Variants in BRINP1 observed in about 807,000 individuals in gnomAD.
The protein encoded by BRINP1 is BMP/retinoic acid inducible neural specific 1, also known as BMP/retinoic acid-inducible neural-specific protein 1.
A neutral mutation model predicts 72.9 loss-of-function variants in BRINP1; 17 were observed. The ratio of observed to expected loss-of-function variants is 0.23; its 90% CI spans 0.16 to 0.35. BRINP1 has a LOEUF of 0.35. BRINP1 is among the 10% of genes least tolerant of loss of function. The pLI is 1.00. For synonymous variants in BRINP1, 418 were observed against 378.5 expected (o/e 1.10, Z -1.21); for missense variants, 850 against 1,001.6 (o/e 0.85, Z 2.04).
At chr9:119,174,092 C>T (rs1201057986) in intron 7 of BRINP1, among the ~76,000 whole-genome samples, 1 of 144,794 alleles carries the variant, frequency 6.9e-6, no homozygotes, top group Non-Finnish European at 1.5e-5. Flanking sequence ...AAAGCAATGG[C>T]AACTGAAGAC....
intron 5 of BRINP1, among the ~76,000 whole-genome samples, chr9:119,233,036 A>G (rs536135328): frequency 2.5e-5 from 3 of 120,496 alleles, no homozygotes; most frequent in African/African-American, 9.5e-5. Flanking sequence ...TTTTTTTTCT[A>G]TTTTGCTTTA....
chr9:119,278,719 C>G (rs771348707), intron 2 of BRINP1, among the ~76,000 whole-genome samples: 1 of 152,118 alleles, frequency 6.6e-6, no homozygotes, highest in Non-Finnish European at 1.5e-5. Context: ...GAAACCCTAT[C>G]TCTACTAAAA....
At chr9:119,245,723 C>G (rs1482244787) in intron 3 of BRINP1, among the ~76,000 whole-genome samples, 1 of 152,148 alleles carries the variant, frequency 6.6e-6, no homozygotes, top group African/African-American at 2.4e-5. Context: ...TCATAGGTGA[C>G]AGGTTAAGAA....
intron 5 of BRINP1, among the ~76,000 whole-genome samples, chr9:119,218,355 G>A (rs1403595803): frequency 6.6e-6 from 1 of 151,898 alleles, no homozygotes; most frequent in Non-Finnish European, 1.5e-5. Flanking sequence ...ATGTTGGTCA[G>A]GATGGTTTTG....
chr9:119,171,132 T>TATTA (rs1829404382), intron 7 of BRINP1, among the ~76,000 whole-genome samples: 2 of 150,068 alleles, frequency 1.3e-5, no homozygotes, highest in South Asian at 4.2e-4. Flanking sequence ...CACATAACAC[T>TATTA]ATTAACTTTA....
At chr9:119,212,927 C>G (rs1829943941) in intron 6 of BRINP1, among the ~76,000 whole-genome samples, 1 of 152,144 alleles carries the variant, frequency 6.6e-6, no homozygotes, top group Non-Finnish European at 1.5e-5. Context: ...TATCCCTTTT[C>G]TCTTCAACTC....
At chr9:119,223,285 C>A (rs1432587510) in intron 5 of BRINP1, among the ~76,000 whole-genome samples, 1 of 152,004 alleles carries the variant, frequency 6.6e-6, no homozygotes, top group Non-Finnish European at 1.5e-5. Context: ...AAGAGTCCAC[C>A]TCAAAAGGGT....
At chr9:119,187,958 T>C (rs1316905457) in intron 7 of BRINP1, among the ~76,000 whole-genome samples, 1 of 151,972 alleles carries the variant, frequency 6.6e-6, no homozygotes, top group Non-Finnish European at 1.5e-5. Context: ...CTACATCAAG[T>C]AAAAGAAAGA....
rs548234862 is a variant in BRINP1, at chr9:119,167,731, G to A, written c.1639C>T (p.Arg547Cys). ...FIHMVIGMSM[R>C]ICQMRNSSLD... ...CTGCTGTTGCGCATCTGGCAGATGC[G>A]CATGGACATGCCGATCACCATGTGG... The change falls in exon 8 of 8, where the codon CGC becomes TGC. Residue 547 changes from arginine to cysteine, a missense_variant. Physicochemically the swap from Arg to Cys is radical, Grantham distance 180 (BLOSUM62 -3). Coordinates refer to ENST00000265922, the MANE Select transcript of BRINP1 (RefSeq NM_014618.3). The surrounding 1 kb of genome is among the most constrained non-coding windows in gnomAD (Gnocchi z 4.3). The A allele has an allele frequency of 3.6e-5, 58 of 1,613,984 alleles. No homozygotes were observed. The highest frequency in any genetic ancestry group is 5.3e-5 in the African/African-American group (4 of 74,910).
At chr9:119,174,107 T>C (rs923905870) in intron 7 of BRINP1, among the ~76,000 whole-genome samples, 1 of 146,224 alleles carries the variant, frequency 6.8e-6, no homozygotes, top group African/African-American at 2.7e-5. Flanking sequence ...GAAGACAAAA[T>C]TGACAAATGG....
chr9:119,167,582 C>T lies in BRINP1; in HGVS notation c.1788G>A (p.Gln596=), dbSNP rs769493914. Residue 596 remains glutamine, a synonymous_variant, in exon 8 of 8, where the codon CAG becomes CAA. Transcript: ENST00000265922. The surrounding 1 kb of genome is among the most constrained non-coding windows in gnomAD (Gnocchi z 4.3). The part of the protein sequence containing the change: ...RWEKIRLQNS[Q]CYNWTLLLGN... ...CCAGCAAAAGAGTCCAGTTGTAGCA[C>T]TGGCTGTTTTGGAGACGGATCTTCT... 10 of 1,614,072 alleles carry T rather than the reference C, an allele frequency of 6.2e-6. No homozygotes were observed. Among genetic ancestry groups the T allele is most frequent in the Admixed American group, 5.0e-5 (3 of 60,010 alleles).
At chr9:119,206,185 G>A (rs1319067888) in intron 7 of BRINP1, among the ~76,000 whole-genome samples, 1 of 152,012 alleles carries the variant, frequency 6.6e-6, no homozygotes. Context: ...GGAGGCTGAG[G>A]TGGGTGGATC....
chr9:119,225,592 A>G (rs954829248), intron 5 of BRINP1, among the ~76,000 whole-genome samples: 2 of 151,946 alleles, frequency 1.3e-5, no homozygotes, highest in Non-Finnish European at 2.9e-5. Context: ...AATAGTCTCT[A>G]TCTGGTTGGT....
rs1275743868 is a variant in BRINP1 at position 119,166,831 on chromosome 9, A to G, written c.*253T>C. 9.6e-6 allele frequency: 4 copies of G among 418,316 alleles called. No homozygotes were observed. The South Asian group carries it at 9.7e-5, about 10-fold the overall frequency. 25.9% of individuals were successfully genotyped at this position (418,316 alleles called of 1,614,324 possible). A position where few individuals can be genotyped will look rare whatever the true frequency, so the allele number is the denominator to read the frequency against. On this transcript the variant is annotated 3_prime_UTR_variant, in exon 8 of 8. Transcript: ENST00000265922. ...TACAGCACCTGAGGCCTAAGAAGCA[A>G]CTCCCTCAATGCTCCACAAAAGGCT...
intron 2 of BRINP1, chr9:119,283,003 C>T (rs1830728441): frequency 2.0e-6 from 2 of 985,180 alleles, no homozygotes; most frequent in Non-Finnish European, 2.4e-6. Context: ...TTCTTAGATT[C>T]CTTTTAAGCC....
At chr9:119,294,675 G>A (rs1260489101) in intron 2 of BRINP1, among the ~76,000 whole-genome samples, 1 of 151,968 alleles carries the variant, frequency 6.6e-6, no homozygotes, top group African/African-American at 2.4e-5. Context: ...AGACTAGCCT[G>A]GCCAACATAG....
intron 1 of BRINP1, among the ~76,000 whole-genome samples, chr9:119,365,765 G>A (rs944816555): frequency 2.6e-5 from 4 of 152,050 alleles, no homozygotes; most frequent in Non-Finnish European, 4.4e-5. Flanking sequence ...GAGCTGGGTC[G>A]TCTAAACTCA....
At chr9:119,316,821 C>T (rs1415290905) in intron 1 of BRINP1, among the ~76,000 whole-genome samples, 1 of 152,016 alleles carries the variant, frequency 6.6e-6, no homozygotes, top group Non-Finnish European at 1.5e-5. Context: ...TTCTGCAGCC[C>T]ATAGATCAAG....
intron 1 of BRINP1, among the ~76,000 whole-genome samples, chr9:119,315,069 G>T (rs1019133933): frequency 6.6e-6 from 1 of 152,172 alleles, no homozygotes; most frequent in South Asian, 2.1e-4. Flanking sequence ...TTAAAAAAGC[G>T]TTATTTGTTT....
Sources: gnomAD v4.1 joint callset for allele counts (sites outside exome capture counted in the v4.1 genomes callset) on GRCh38, gnomAD v4.1.1 for gene constraint, Gnocchi (gnomAD v3.1) non-coding constraint, MANE v1.5 for transcripts, NCBI Gene and HGNC (gene_info 2026-07-23, HGNC 2026-07-21) for gene names.